Variants in RBM47 observed in about 807,000 individuals in gnomAD.
RBM47 encodes RNA-binding protein 47.
In RBM47, 21 loss-of-function variants were observed where a neutral mutation model predicts 47.1. The ratio of observed to expected loss-of-function variants is 0.45; its 90% CI spans 0.32 to 0.64. The LOEUF (loss-of-function observed/expected upper bound fraction) is 0.64. Among genes scored for constraint, RBM47 ranks in the 30% least tolerant of loss-of-function variants. The probability of loss-of-function intolerance (pLI) is 0.05; values close to 1 mark genes in which losing one functional copy is unlikely to be tolerated. For missense variants in RBM47, 708 were observed against 870.9 expected (o/e 0.81, Z 2.35); for synonymous variants, 375 against 361.7 (o/e 1.04, Z -0.42).
intron 4 of RBM47, among the ~76,000 whole-genome samples, chr4:40,437,206 T>G (rs1176802515): frequency 7.9e-6 from 1 of 126,272 alleles, no homozygotes; most frequent in African/African-American, 2.8e-5. Flanking sequence ...TAATTTTTTT[T>G]AAAGTTAGCT....
At chr4:40,534,735 C>T (rs1424314782) in intron 2 of RBM47, among the ~76,000 whole-genome samples, 1 of 152,036 alleles carries the variant, frequency 6.6e-6, no homozygotes, top group Non-Finnish European at 1.5e-5. Flanking sequence ...CAGATAAAGA[C>T]CATCCTGGCT....
chr4:40,456,546 CT>C (rs772807820), intron 3 of RBM47, among the ~76,000 whole-genome samples: 193 of 118,674 alleles, frequency 1.6e-3, no homozygotes, highest in Admixed American at 3.3e-3. Flanking sequence ...GTCCCATTTT[CT>C]TTTTTTTTTT....
intron 2 of RBM47, among the ~76,000 whole-genome samples, chr4:40,492,553 A>T (rs1393426671): frequency 2.0e-5 from 3 of 152,168 alleles, no homozygotes; most frequent in African/African-American, 4.8e-5. Flanking sequence ...GGATGCCATG[A>T]TGTCCATGTT....
At chr4:40,457,115 TA>T (rs1716389907) in intron 3 of RBM47, among the ~76,000 whole-genome samples, 1 of 152,018 alleles carries the variant, frequency 6.6e-6, no homozygotes, top group Non-Finnish European at 1.5e-5. Context: ...GATAGAATTT[TA>T]AAAAATTTTA....
intron 4 of RBM47, 134 bp from the exon 5 acceptor site, chr4:40,436,781 C>A: frequency 2.4e-6 from 2 of 828,170 alleles, no homozygotes; most frequent in South Asian, 1.4e-5. Context: ...CTTTAATAGG[C>A]TGGTAAAGAT....
intron 1 of RBM47, among the ~76,000 whole-genome samples, chr4:40,558,676 A>C (rs867674541): frequency 6.6e-6 from 1 of 151,950 alleles, no homozygotes. Flanking sequence ...AAAAATACAA[A>C]AATTAGCCAG....
At chr4:40,465,595 C>T (rs934315023) in intron 3 of RBM47, among the ~76,000 whole-genome samples, 1 of 152,064 alleles carries the variant, frequency 6.6e-6, no homozygotes, top group Non-Finnish European at 1.5e-5. Context: ...AGGAGAATTG[C>T]TCGAACCCGG....
intron 2 of RBM47, among the ~76,000 whole-genome samples, chr4:40,477,607 TGA>T (rs1345751102): frequency 6.6e-6 from 1 of 152,188 alleles, no homozygotes; most frequent in Non-Finnish European, 1.5e-5. Flanking sequence ...AGGTTTGGTG[TGA>T]GTGTGTGCAC....
chr4:40,627,846 C>T (rs192191924), intron 1 of RBM47, among the ~76,000 whole-genome samples: 2 of 152,180 alleles, frequency 1.3e-5, no homozygotes. Flanking sequence ...TAAAGCAGCA[C>T]AGTGGGGGAA....
chr4:40,554,872 C>T (rs920770953), intron 1 of RBM47, among the ~76,000 whole-genome samples: 4 of 151,904 alleles, frequency 2.6e-5, no homozygotes, highest in African/African-American at 4.8e-5. Flanking sequence ...AGTGATTCTC[C>T]TGCCTCAGCT....
At chr4:40,613,220 AG>A (rs1368669647) in intron 1 of RBM47, among the ~76,000 whole-genome samples, 2 of 152,246 alleles carry the variant, frequency 1.3e-5, no homozygotes, top group African/African-American at 4.8e-5. Context: ...AATAAAACAT[AG>A]GACAACTTCA....
At chr4:40,560,008 C>G (rs1730456810) in intron 1 of RBM47, among the ~76,000 whole-genome samples, 1 of 152,174 alleles carries the variant, frequency 6.6e-6, no homozygotes, top group African/African-American at 2.4e-5. Flanking sequence ...ATCACTCACC[C>G]ATAACCACGC....
chr4:40,603,846 C>T (rs1299246399), intron 1 of RBM47, among the ~76,000 whole-genome samples: 1 of 152,162 alleles, frequency 6.6e-6, no homozygotes, highest in Non-Finnish European at 1.5e-5. Context: ...AAGTAATCTG[C>T]CTGCCTCGGC....
intron 1 of RBM47, among the ~76,000 whole-genome samples, chr4:40,604,714 T>TTTGTTGTTGTTGTTGTTGTTG (rs57799277): frequency 1.9e-4 from 29 of 151,752 alleles, no homozygotes; most frequent in Admixed American, 1.8e-3. Flanking sequence ...CACATGGCTC[T>TTTGTTGTTGTTGTTGTTGTTG]TTGTTGTTGT....
intron 1 of RBM47, among the ~76,000 whole-genome samples, chr4:40,592,740 G>C (rs1734277536): frequency 6.7e-6 from 1 of 149,770 alleles, no homozygotes. Context: ...TGTATTTTTT[G>C]TAGAGACAGG....
intron 1 of RBM47, among the ~76,000 whole-genome samples, chr4:40,577,645 T>TA (rs10624014): frequency 0.45 from 66,586 of 146,618 alleles, 15,431 homozygotes; most frequent in East Asian, 0.69. Context: ...ATCTCATACT[T>TA]AAAAAAAAAA....
chr4:40,428,420 C>T lies in RBM47; in HGVS notation c.1543-2277G>A, dbSNP rs1240787782. 7.2e-5 allele frequency among the ~76,000 whole-genome samples: 11 copies of T among 152,170 alleles called. No homozygotes were observed. In the South Asian group the frequency reaches 1.0e-3, roughly 14 times the overall value. Reference sequence around the variant, plus strand: ...TCTGGAGCCTGCACTTTTAGCCTTACGTTAACTTGCTTCTTACAACCCTAA... The same window carrying T: ...TCTGGAGCCTGCACTTTTAGCCTTATGTTAACTTGCTTCTTACAACCCTAA... On this transcript the variant is annotated intron_variant, in intron 6 of 6. Transcript: ENST00000295971.
chr4:40,510,370 TTTCA>T (rs1560433044), intron 2 of RBM47, among the ~76,000 whole-genome samples: 1 of 152,136 alleles, frequency 6.6e-6, no homozygotes, highest in African/African-American at 2.4e-5. Flanking sequence ...ATTTGTTTCC[TTTCA>T]TTCATTTATT....
In RBM47 at chr4:40,624,355, T is replaced by G. The variant is rs1468407180; in HGVS notation, c.-240+5041A>C. Among the ~76,000 whole-genome samples, 2 of 152,214 alleles carry G rather than the reference T, an allele frequency of 1.3e-5. 1 individual carries two copies. Among genetic ancestry groups the G allele is most frequent in the African/African-American group, 4.8e-5 (2 of 41,458 alleles). ...TTAGTATGAATAGCCATCCTTTCCC[T>G]AAAATCTGCATCTTTACTCTAGATA... is the stretch of plus-strand genomic sequence containing the variant. On this transcript the variant is annotated intron_variant, in intron 1 of 6. Coordinates refer to ENST00000295971, the MANE Select transcript of RBM47 (RefSeq NM_001098634.2).
Sources: gnomAD v4.1 joint callset for allele counts (sites outside exome capture counted in the v4.1 genomes callset) on GRCh38, gnomAD v4.1.1 for gene constraint, MANE v1.5 for transcripts, NCBI Gene and HGNC (gene_info 2026-07-23, HGNC 2026-07-21) for gene names.